METTL22: variants seen among roughly 807,000 people sequenced by gnomAD.
METTL22 encodes the protein methyltransferase-like protein 22.
Under a neutral mutation model 48.4 loss-of-function variants are expected in METTL22, and 51 were observed. The ratio of observed to expected loss-of-function variants is 1.05; its 90% CI spans 0.84 to 1.33. The LOEUF (loss-of-function observed/expected upper bound fraction) is 1.33, where lower values mean the gene tolerates loss of function less well. Ranked by LOEUF, METTL22 falls within the 40% of genes most tolerant of loss-of-function variation. METTL22 has a pLI of 0.00. For synonymous variants in METTL22, 255 were observed against 214.1 expected (o/e 1.19, Z -1.67); for missense variants, 678 against 526.9 (o/e 1.29, Z -2.81).
At chr16:8,662,874 G>C in the METTL22 span, among the ~76,000 whole-genome samples, 1 of 144,296 alleles carries the variant, frequency 6.9e-6, no homozygotes, top group Non-Finnish European at 1.5e-5. Flanking sequence ...TGTCTGTCAA[G>C]CACCTAACAT....
rs369868411 is a variant in METTL22, at chr16:8,625,257, G to T, written c.-170-239G>T. ...GCAGGCACGTGTGGCAAAATGGTGA[G>T]GATCATTGAATCTAAGCAGTAGTTC... On this transcript the variant is annotated intron_variant, in intron 1 of 10. Transcript: ENST00000381920. Among the ~76,000 whole-genome samples the T allele has an allele frequency of 6.2e-4, 94 of 152,046 alleles. 1 individual carries two copies. Among genetic ancestry groups the T allele is most frequent in the African/African-American group, 2.2e-3 (92 of 41,468 alleles).
intron 10 of METTL22, 90 bp from the exon 11 acceptor site, chr16:8,646,018 A>C (rs769201012): frequency 3.2e-5 from 51 of 1,584,878 alleles, no homozygotes; most frequent in East Asian, 4.5e-5. Context: ...TTGTCTAACT[A>C]CTCTCCTTGG....
At chr16:8,643,082 C>G (rs957852493) in intron 9 of METTL22, among the ~76,000 whole-genome samples, 4 of 152,316 alleles carry the variant, frequency 2.6e-5, no homozygotes, top group South Asian at 2.1e-4. Flanking sequence ...GATAGCTACA[C>G]ACATTCTCCT....
At chr16:8,644,754 T>A (rs1196150024) in intron 10 of METTL22, 29 bp downstream of exon 10, 1 of 1,526,524 alleles carries the variant, frequency 6.6e-7, no homozygotes, top group Non-Finnish European at 8.8e-7. Context: ...GCAGGGCCGT[T>A]GGTTGCTTTA....
At chr16:8,643,086 T>G (rs1250435028) in intron 9 of METTL22, among the ~76,000 whole-genome samples, 1 of 152,228 alleles carries the variant, frequency 6.6e-6, no homozygotes, top group Non-Finnish European at 1.5e-5. Context: ...GCTACACACA[T>G]TCTCCTGTAA....
At chr16:8,629,281 G>T (rs537648619) in intron 3 of METTL22, among the ~76,000 whole-genome samples, 171 bp downstream of exon 3, 1 of 152,120 alleles carries the variant, frequency 6.6e-6, no homozygotes, top group African/African-American at 2.4e-5. Context: ...ACTCCTGCCC[G>T]GCTCACACCA....
chr16:8,653,021 C>G (rs986650274), downstream of METTL22, among the ~76,000 whole-genome samples: 6 of 152,212 alleles, frequency 3.9e-5, no homozygotes, highest in African/African-American at 1.2e-4. Flanking sequence ...ACTGCCAGTT[C>G]AAACCCACTT....
At chr16:8,628,602 A>G (rs1230797318) in intron 2 of METTL22, 128 bp from the exon 3 acceptor site, 12 of 1,274,596 alleles carry the variant, frequency 9.4e-6, no homozygotes, top group African/African-American at 3.0e-5. Flanking sequence ...TTCTGCTGGC[A>G]TTAGTATATC....
chr16:8,639,031 A>G (rs2056509708), intron 5 of METTL22, 60 bp from the exon 6 acceptor site: 3 of 1,373,498 alleles, frequency 2.2e-6, no homozygotes, highest in African/African-American at 1.4e-5. Flanking sequence ...TAGGCAAAAA[A>G]CATGGAGATA....
downstream of METTL22, among the ~76,000 whole-genome samples, chr16:8,650,739 GAAA>G (rs1247173924): frequency 6.6e-6 from 1 of 152,112 alleles, no homozygotes; most frequent in Non-Finnish European, 1.5e-5. Context: ...ATCAATAAAT[GAAA>G]AAAAGCCAGA....
intron 10 of METTL22, among the ~76,000 whole-genome samples, chr16:8,645,504 G>A (rs1034159489): frequency 6.6e-5 from 10 of 152,164 alleles, no homozygotes; most frequent in African/African-American, 1.9e-4. Flanking sequence ...GGCCAGGTAC[G>A]GTGGCTCCCA....
At chr16:8,650,765 G>A (rs922676377), downstream of METTL22, among the ~76,000 whole-genome samples, 9 of 152,138 alleles carry the variant, frequency 5.9e-5, 1 homozygote, top group Admixed American at 2.6e-4. Flanking sequence ...TGGCTCATGC[G>A]TGTAATCCCG....
chr16:8,657,820 C>CTTTTTTTTTTTTTTTTTTT, the METTL22 span, among the ~76,000 whole-genome samples: 149 of 137,262 alleles, frequency 1.1e-3, 4 homozygotes, highest in East Asian at 1.6e-3. Flanking sequence ...CTTTTCTTTT[C>CTTTTTTTTTTTTTTTTTTT]TTTCTTTTTT....
At chr16:8,655,181 A>C in the METTL22 span, among the ~76,000 whole-genome samples, 2 of 152,246 alleles carry the variant, frequency 1.3e-5, no homozygotes, top group Non-Finnish European at 2.9e-5. Context: ...CCTGTGGGTC[A>C]TAAATCTGGG....
intron 3 of METTL22, among the ~76,000 whole-genome samples, chr16:8,630,014 C>G (rs1436131056): frequency 2.4e-5 from 1 of 42,516 alleles, no homozygotes; most frequent in East Asian, 8.2e-4. Context: ...TTTGCCTCCC[C>G]CTGGCGCTGC....
In METTL22 at chr16:8,641,155, T is replaced by C. The variant is rs1467003573; in HGVS notation, c.797T>C (p.Leu266Pro). ...TGGGIVRVKELDWLKDDLCTD... is the reference protein window; with the variant it reads ...TGGGIVRVKEPDWLKDDLCTD... The stretch of plus-strand genomic sequence containing the variant: ...GGTGGTATAGTTAGGGTCAAAGAAC[T>C]GGACTGGCTGAAGGACGACCTCTGC... The change falls in exon 7 of 11, where the codon CTG becomes CCG. Residue 266 changes from leucine (L) to proline (P), a missense_variant. Coordinates refer to ENST00000381920, the MANE Select transcript of METTL22 (RefSeq NM_024109.4). 47 of 1,613,942 alleles carry C rather than the reference T, an allele frequency of 2.9e-5. No homozygotes were observed. Among genetic ancestry groups the C allele is most frequent in the Non-Finnish European group, 3.2e-5 (38 of 1,179,996 alleles).
intron 7 of METTL22, chr16:8,641,890 C>T (rs1596362563): frequency 1.7e-5 from 10 of 588,218 alleles, no homozygotes; most frequent in East Asian, 1.4e-4. Flanking sequence ...GAAATCCGCC[C>T]GCTGCTCACT....
intron 3 of METTL22, among the ~76,000 whole-genome samples, chr16:8,631,058 A>T (rs933206017): frequency 6.6e-6 from 1 of 152,164 alleles, no homozygotes; most frequent in Admixed American, 6.5e-5. Flanking sequence ...GTGATAATTT[A>T]TTGAAACATG....
Position 8,646,164 on chromosome 16 carries a change from C to G in METTL22, c.*21C>G. On this transcript the variant is annotated 3_prime_UTR_variant, in exon 11 of 11. Coordinates refer to ENST00000381920, the MANE Select transcript of METTL22 (RefSeq NM_024109.4). ...CATGACCCATCGCCTCCACAAGGCG[C>G]GGCGTCTCGACTGTTCTTAGAGTGT... 1 of 1,613,612 alleles carries G rather than the reference C, an allele frequency of 6.2e-7. No individual in the cohort carries two copies. Among genetic ancestry groups the G allele is most frequent in the Non-Finnish European group, 8.5e-7 (1 of 1,179,536 alleles).
Sources: allele counts gnomAD v4.1 joint callset (sites outside exome capture counted in the v4.1 genomes callset), GRCh38; gene constraint gnomAD v4.1.1; transcripts MANE v1.5; gene names NCBI Gene and HGNC (gene_info 2026-07-23, HGNC 2026-07-21).